LMX1A: variants seen among roughly 807,000 people sequenced by gnomAD.
The protein encoded by LMX1A is LIM homeobox transcription factor 1-alpha.
A neutral mutation model predicts 49.1 loss-of-function variants in LMX1A; 15 were observed. The observed-to-expected ratio is 0.31, with a 90% CI of 0.20 to 0.47. The LOEUF is 0.47. Ranked by LOEUF, LMX1A falls within the 20% of genes least tolerant of loss-of-function variation. The probability of loss-of-function intolerance (pLI) is 1.00; values close to 1 mark genes in which losing one functional copy is unlikely to be tolerated. For synonymous variants in LMX1A, 167 were observed against 185.7 expected, an observed-to-expected ratio of 0.90 and a Z score of 0.82; for missense variants, 372 against 475.8, an observed-to-expected ratio of 0.78 and a Z score of 2.03.
Position 165,253,215 on chromosome 1 carries a change from C to A in LMX1A, c.264-3575G>T, listed in dbSNP as rs530767433. On this transcript the variant is annotated intron_variant, in intron 3 of 8. Coordinates refer to ENST00000342310, the MANE Select transcript of LMX1A (RefSeq NM_177398.4). ...TAAACGAATAGATAAATCATATCTA[C>A]ATTTAGGGATTTACCTTTAGGAAAC... Among the ~76,000 whole-genome samples, 4 of 152,200 alleles carry A rather than the reference C, an allele frequency of 2.6e-5. No individual in the cohort carries two copies. The South Asian group carries it at 8.3e-4, about 32-fold the overall frequency.
chr1:165,295,168 G>T (rs1654579648), intron 3 of LMX1A, among the ~76,000 whole-genome samples: 1 of 151,940 alleles, frequency 6.6e-6, no homozygotes, highest in Admixed American at 6.6e-5. Context: ...AACTTTTAAT[G>T]ACATGGGAAA....
chr1:165,221,238 T>C (rs185324636), intron 4 of LMX1A, among the ~76,000 whole-genome samples: 1 of 152,154 alleles, frequency 6.6e-6, no homozygotes, highest in Non-Finnish European at 1.5e-5. Context: ...GCAGGCAGCA[T>C]TATTGTTATT....
intron 4 of LMX1A, among the ~76,000 whole-genome samples, chr1:165,224,984 G>C (rs1221321491): frequency 6.6e-6 from 1 of 152,188 alleles, no homozygotes; most frequent in Non-Finnish European, 1.5e-5. Context: ...AGCAGGTCAT[G>C]AAAAAGAGAA....
chr1:165,283,383 CCA>C (rs1312416090), intron 3 of LMX1A, among the ~76,000 whole-genome samples: 1 of 152,158 alleles, frequency 6.6e-6, no homozygotes, highest in Non-Finnish European at 1.5e-5. Context: ...AGAATGAATC[CCA>C]GTCATTAAGT....
intron 3 of LMX1A, among the ~76,000 whole-genome samples, chr1:165,314,938 C>A (rs1655177708): frequency 6.6e-6 from 1 of 152,120 alleles, no homozygotes; most frequent in Non-Finnish European, 1.5e-5. Flanking sequence ...AGGCAGAAGC[C>A]CTGAACACCA....
chr1:165,354,594 G>A (rs986561327), intron 2 of LMX1A, among the ~76,000 whole-genome samples: 7 of 152,160 alleles, frequency 4.6e-5, no homozygotes, highest in African/African-American at 1.4e-4. Context: ...GGGTGTTGGG[G>A]GTGGGGAGAT....
chr1:165,257,909 G>A (rs1439717983), intron 3 of LMX1A, among the ~76,000 whole-genome samples: 1 of 152,206 alleles, frequency 6.6e-6, no homozygotes, highest in South Asian at 2.1e-4. Flanking sequence ...GTAGTGTACT[G>A]TGTTTGCCCC....
At chr1:165,349,145 G>A (rs2101770581) in intron 3 of LMX1A, among the ~76,000 whole-genome samples, 1 of 152,340 alleles carries the variant, frequency 6.6e-6, no homozygotes, top group Non-Finnish European at 1.5e-5. Context: ...CCAGGCACAT[G>A]AAAGAAACAA....
chr1:165,310,340 G>A (rs1028222467), intron 3 of LMX1A, among the ~76,000 whole-genome samples: 1 of 152,208 alleles, frequency 6.6e-6, no homozygotes, highest in African/African-American at 2.4e-5. Flanking sequence ...CAGGCTTCCA[G>A]TGATGAAATA....
intron 3 of LMX1A, among the ~76,000 whole-genome samples, chr1:165,329,775 CA>C (rs1172656739): frequency 1.4e-4 from 21 of 152,188 alleles, no homozygotes; most frequent in Admixed American, 1.4e-3. Context: ...CTCAAAAAAT[CA>C]AAAACTGTGG....
At chr1:165,264,355 A>C (rs1653548490) in intron 3 of LMX1A, among the ~76,000 whole-genome samples, 1 of 152,176 alleles carries the variant, frequency 6.6e-6, no homozygotes, top group African/African-American at 2.4e-5. Flanking sequence ...GTGAAACAGG[A>C]TTCTTGGTTT....
intron 3 of LMX1A, among the ~76,000 whole-genome samples, chr1:165,266,062 T>A (rs1653609771): frequency 6.6e-6 from 1 of 152,204 alleles, no homozygotes; most frequent in Non-Finnish European, 1.5e-5. Flanking sequence ...ATTGAGGTAC[T>A]ACTGCAGGTT....
chr1:165,318,673 T>A (rs990916901), intron 3 of LMX1A, among the ~76,000 whole-genome samples: 7 of 152,254 alleles, frequency 4.6e-5, no homozygotes, highest in African/African-American at 1.7e-4. Flanking sequence ...AAGACCCAGC[T>A]AGTGTGATTC....
intron 3 of LMX1A, among the ~76,000 whole-genome samples, chr1:165,302,071 A>G (rs746774645): frequency 1.3e-4 from 20 of 152,182 alleles, no homozygotes; most frequent in Admixed American, 1.2e-3. Flanking sequence ...CAGACACTCA[A>G]AACAGCAGAG....
chr1:165,339,673 T>G (rs1390580094), intron 3 of LMX1A, among the ~76,000 whole-genome samples: 1 of 152,158 alleles, frequency 6.6e-6, no homozygotes, highest in East Asian at 1.9e-4. Context: ...GACCCACCTC[T>G]GCCAGCCCCT....
intron 3 of LMX1A, among the ~76,000 whole-genome samples, chr1:165,309,266 G>A (rs1349263657): frequency 3.3e-5 from 5 of 152,194 alleles, no homozygotes; most frequent in Admixed American, 2.0e-4. Context: ...AATCCCACTT[G>A]GATGCTGATT....
chr1:165,275,549 TG>T (rs1653939091), intron 3 of LMX1A, among the ~76,000 whole-genome samples: 1 of 152,214 alleles, frequency 6.6e-6, no homozygotes, highest in East Asian at 1.9e-4. Flanking sequence ...ATATCCCTAC[TG>T]GGTTCCCCTC....
chr1:165,257,041 C>T (rs768879081), intron 3 of LMX1A, among the ~76,000 whole-genome samples: 16 of 152,030 alleles, frequency 1.1e-4, no homozygotes, highest in Admixed American at 2.0e-4. Context: ...AATCATATTT[C>T]TGCAAAGGAA....
At chr1:165,345,709 T>C (rs902031165) in intron 3 of LMX1A, among the ~76,000 whole-genome samples, 2 of 152,190 alleles carry the variant, frequency 1.3e-5, no homozygotes, top group Non-Finnish European at 2.9e-5. Context: ...AACTGAGTGG[T>C]CACATGACTG....
Sources: allele counts gnomAD v4.1 joint callset (sites outside exome capture counted in the v4.1 genomes callset), GRCh38; gene constraint gnomAD v4.1.1; transcripts MANE v1.5; gene names NCBI Gene and HGNC (gene_info 2026-07-23, HGNC 2026-07-21).